Variants in MYO19 observed in about 807,000 individuals in gnomAD.
The protein encoded by MYO19 is myosin XIX.
MYO19 carries 132 observed loss-of-function variants against 129.2 expected under a neutral mutation model. The ratio of observed to expected loss-of-function variants is 1.02; its 90% CI spans 0.89 to 1.18. The LOEUF (loss-of-function observed/expected upper bound fraction) is 1.18. Ranked by LOEUF, MYO19 falls within the 50% of genes most tolerant of loss-of-function variation. The pLI is 0.00. For missense variants in MYO19, 1,210 were observed against 1,216.7 expected (o/e 0.99, Z 0.08); for synonymous variants, 531 against 477.2 (o/e 1.11, Z -1.47).
At chr17:36,538,568 A>C (rs2074175645), upstream of MYO19, 1 of 1,613,582 alleles carries the variant, frequency 6.2e-7, no homozygotes, top group Non-Finnish European at 8.5e-7. Flanking sequence ...CCAACTGTTT[A>C]ATTGTATATG....
intron 7 of MYO19, 71 bp downstream of exon 7, chr17:36,515,787 C>A: frequency 6.5e-7 from 1 of 1,537,378 alleles, no homozygotes; most frequent in Non-Finnish European, 8.8e-7. Flanking sequence ...AAGCACTGTC[C>A]CTCTCCCTGG....
Position 36,501,089 on chromosome 17 carries a change from C to A in MYO19, c.2227G>T (p.Val743Leu). Residue 743 changes from valine (V) to leucine (L), a missense_variant, in exon 22 of 26, where the codon GTG (valine) becomes TTG (leucine). Val to Leu is a conservative substitution (Grantham distance 32). Coordinates refer to ENST00000614623, the MANE Select transcript of MYO19 (RefSeq NM_001163735.2). ...PAPMHCGRTK[V>L]FMTDSMLELL... ...CTCACCATAGAGTCAGTCATGAACA[C>A]CTTGGTCCTGCCACAGTGCATGGGG... 6.2e-7 allele frequency: 1 copy of A among 1,613,514 alleles called. No individual in the cohort carries two copies. Among genetic ancestry groups the A allele is most frequent in the Non-Finnish European group, 8.5e-7 (1 of 1,179,598 alleles).
At chr17:36,539,181 G>A (rs1337372415), upstream of MYO19, 3 of 167,022 alleles carry the variant, frequency 1.8e-5, no homozygotes, top group African/African-American at 7.2e-5. Context: ...GACTGTTGGG[G>A]TGGGGGGAGG....
intron 18 of MYO19, 90 bp downstream of exon 18, chr17:36,506,366 A>C: frequency 6.4e-7 from 1 of 1,561,122 alleles, no homozygotes; most frequent in Admixed American, 1.7e-5. Flanking sequence ...GCTCCCCAAC[A>C]AACAGCACCG....
intron 5 of MYO19, among the ~76,000 whole-genome samples, chr17:36,526,665 T>C (rs904060306): frequency 3.3e-5 from 5 of 152,034 alleles, no homozygotes; most frequent in Admixed American, 6.6e-5. Flanking sequence ...GGCAGGTGGA[T>C]CACTTGAGGT....
rs779454390 is a variant in MYO19, at chr17:36,501,223, T to C, written c.2093A>G (p.His698Arg). Residue 698 changes from histidine to arginine, a missense_variant, in exon 22 of 26, where the codon CAC (histidine) becomes CGC (arginine). Physicochemically the swap from His to Arg is conservative, Grantham distance 29. Transcript: ENST00000614623. ...PAKGLPEWCP[H>R]SEEATLEPLI... is the part of the protein sequence containing the mutation. ...AGGTTCAAGCGTGGCTTCCTCGCTG[T>C]GTGGACACCATTCTGGGGGAGGGAG... The C allele has an allele frequency of 1.2e-6, 2 of 1,611,746 alleles. No homozygotes were observed. Among genetic ancestry groups the C allele is most frequent in the Non-Finnish European group, 1.7e-6 (2 of 1,178,562 alleles).
intron 3 of MYO19, among the ~76,000 whole-genome samples, chr17:36,531,614 A>G (rs1024993609): frequency 1.3e-5 from 2 of 152,086 alleles, no homozygotes; most frequent in African/African-American, 4.8e-5. Context: ...AAAAAAGTTT[A>G]AAAATAAGCA....
At chr17:36,537,959 A>T (rs750915031), upstream of MYO19, 1 of 1,614,078 alleles carries the variant, frequency 6.2e-7, no homozygotes, top group East Asian at 2.2e-5. Flanking sequence ...GGTTAATATT[A>T]TATGGCACTG....
chr17:36,501,069 CAT>C lies in MYO19; in HGVS notation c.2245_2246del (p.Met749AlafsTer81), dbSNP rs779605163. 1.1e-5 allele frequency: 18 copies of C among 1,611,228 alleles called. No individual in the cohort carries two copies. The highest frequency in any genetic ancestry group is 1.5e-5 in the Non-Finnish European group (18 of 1,177,862). Reference protein sequence around the residue: ...GRTKVFMTDSMLELLECGRAR... With the variant: ...GRTKVFMTDSXLELLECGRAR... ...CCTCCTCATCCCCAAACCAGCTCACCATAGAGTCAGTCATGAACACCTTGGTC... is the reference window on the plus strand; with the variant it reads ...CCTCCTCATCCCCAAACCAGCTCACCAGAGTCAGTCATGAACACCTTGGTC... On this transcript the variant is annotated frameshift_variant and splice_region_variant, in exon 22 of 26. Transcript: ENST00000614623. LOFTEE classifies it high-confidence loss of function.
Position 36,510,995 on chromosome 17 carries a change from C to T in MYO19, c.986-78G>A, listed in dbSNP as rs1599296534. On this transcript the variant is annotated intron_variant, in intron 12 of 25. Coordinates refer to ENST00000614623, the MANE Select transcript of MYO19 (RefSeq NM_001163735.2). ...ACGAGGCACTGTGAAGTCATCACAG[C>T]GGGACCATGACTTGCCCAACTGGAC... 25 of 1,456,218 alleles carry T rather than the reference C, an allele frequency of 1.7e-5. No homozygotes were observed. In the East Asian group the frequency reaches 4.0e-4, roughly 23 times the overall value. 90.2% of individuals were successfully genotyped at this position (1,456,218 alleles called of 1,614,324 possible).
At position 36,509,083 on chromosome 17, in the gene MYO19, C is replaced by G. The variant is rs370042266; in HGVS notation, c.1210G>C (p.Asp404His). 1.2e-6 allele frequency: 2 copies of G among 1,613,778 alleles called. No homozygotes were observed. ...VINSSICADT[D>H]SWTTFIGLLD... ...CTACCTATGAAAGTGGTCCACGAGT[C>G]GGTGTCTGCACAGATGCTGCTGTTG... Residue 404 changes from aspartate (D) to histidine (H), a missense_variant, in exon 14 of 26, where the codon GAC becomes CAC. Asp to His is a moderately conservative substitution (Grantham distance 81, BLOSUM62 -1). Coordinates refer to ENST00000614623, the MANE Select transcript of MYO19 (RefSeq NM_001163735.2).
chr17:36,511,080 G>A, intron 12 of MYO19, 163 bp from the exon 13 acceptor site: 1 of 799,978 alleles, frequency 1.3e-6, no homozygotes, highest in Non-Finnish European at 1.9e-6. Context: ...ATAAACAGCA[G>A]TCAGAACTCA....
upstream of MYO19, chr17:36,538,206 G>C (rs2074169951): frequency 6.2e-7 from 1 of 1,612,974 alleles, no homozygotes. Context: ...TCGAAGAATG[G>C]CAAATTTAGC....
chr17:36,523,902 G>GA (rs1288489311), intron 6 of MYO19, among the ~76,000 whole-genome samples: 1 of 152,220 alleles, frequency 6.6e-6, no homozygotes, highest in Non-Finnish European at 1.5e-5. Context: ...GAACAAGGTT[G>GA]AAAGACAAGG....
chr17:36,532,693 G>T lies in MYO19; in HGVS notation c.-143-12C>A. ...AGTCACTCCAGCGCCTGTGGCATGA[G>T]AGAGAAGACAAGGACCACACACAGG... On this transcript the variant is annotated splice_polypyrimidine_tract_variant and intron_variant, in intron 2 of 25. Coordinates refer to ENST00000614623, the MANE Select transcript of MYO19 (RefSeq NM_001163735.2). 1 of 881,030 alleles carries T rather than the reference G, an allele frequency of 1.1e-6. No homozygotes were observed. The highest frequency in any genetic ancestry group is 1.8e-6 in the Non-Finnish European group (1 of 553,602). The allele number at this position is 881,030 out of a possible 1,614,324, so 54.6% of individuals were successfully genotyped here.
In MYO19 at chr17:36,501,186, G is replaced by A. The variant is rs1599224005; in HGVS notation, c.2130C>T (p.Asp710=). The A allele has an allele frequency of 6.2e-7, 1 of 1,614,010 alleles. No individual in the cohort carries two copies. Among genetic ancestry groups the A allele is most frequent in the South Asian group, 1.1e-5 (1 of 91,080 alleles). Residue 710 remains aspartate (D), a synonymous_variant, in exon 22 of 26, where the codon GAC becomes GAT. Transcript: ENST00000614623. ...EEATLEPLIQ[D]ILHTLPVLTQ... is the part of the protein sequence containing the mutation. ...TTAGGACCGGCAGAGTGTGGAGAAT[G>A]TCCTGGATGAGAGGTTCAAGCGTGG...
rs538618276 is a variant in MYO19 at position 36,509,313 on chromosome 17, G to C, written c.1158-178C>G. Reference sequence around the variant, plus strand: ...GCCTATCACGTCTTGACCTACTACAGATGCAGGCTATGGGCATGCATGTTG... The same window carrying C: ...GCCTATCACGTCTTGACCTACTACACATGCAGGCTATGGGCATGCATGTTG... On this transcript the variant is annotated intron_variant, in intron 13 of 25. Coordinates refer to ENST00000614623, the MANE Select transcript of MYO19 (RefSeq NM_001163735.2). The C allele has an allele frequency of 2.7e-5, 17 of 627,840 alleles. No homozygotes were observed. In the African/African-American group the frequency reaches 2.9e-4, roughly 11 times the overall value. 38.9% of individuals were successfully genotyped at this position (627,840 alleles called of 1,614,324 possible). A position where few individuals can be genotyped will look rare whatever the true frequency, so the allele number is the denominator to read the frequency against.
intron 19 of MYO19, chr17:36,505,008 C>A: frequency 1.7e-6 from 1 of 590,434 alleles, no homozygotes; most frequent in Non-Finnish European, 3.2e-6. Context: ...CAGCTAATCA[C>A]GAGACACCCA....
At chr17:36,501,459 G>A (rs550333964) in intron 21 of MYO19, 21 of 496,898 alleles carry the variant, frequency 4.2e-5, no homozygotes, top group African/African-American at 5.8e-5. Context: ...ACCCACTTGC[G>A]CCTGTGTGTC....
Sources: allele counts gnomAD v4.1 joint callset (sites outside exome capture counted in the v4.1 genomes callset), GRCh38; gene constraint gnomAD v4.1.1; transcripts MANE v1.5; gene names NCBI Gene and HGNC (gene_info 2026-07-23, HGNC 2026-07-21).